Variants in FKBP5 observed in about 807,000 individuals in gnomAD.
The protein encoded by FKBP5 is peptidyl-prolyl cis-trans isomerase FKBP5.
A neutral mutation model predicts 50.5 loss-of-function variants in FKBP5; 23 were observed. That is an observed-to-expected ratio of 0.46 (90% CI 0.33 to 0.65). The LOEUF (loss-of-function observed/expected upper bound fraction) is 0.65. FKBP5 is among the 30% of genes least tolerant of loss of function. The pLI, the probability that FKBP5 is intolerant of heterozygous loss-of-function variation, is 0.02. For missense variants in FKBP5, 411 were observed against 553.1 expected (o/e 0.74, Z 2.58); for synonymous variants, 176 against 190.6 (o/e 0.92, Z 0.63).
At chr6:35,649,530 T>C (rs560655686) in intron 1 of FKBP5, among the ~76,000 whole-genome samples, 1 of 152,172 alleles carries the variant, frequency 6.6e-6, no homozygotes, top group South Asian at 2.1e-4. Flanking sequence ...CAGTGGGGAT[T>C]CTCTGAAGTT....
chr6:35,586,091 A>C, intron 8 of FKBP5: 8 of 985,174 alleles, frequency 8.1e-6, no homozygotes, highest in Non-Finnish European at 9.6e-6. Flanking sequence ...AGAAACCTTG[A>C]CAGAACTCCC....
At chr6:35,685,876 G>A (rs1765809462) in intron 1 of FKBP5, among the ~76,000 whole-genome samples, 1 of 151,784 alleles carries the variant, frequency 6.6e-6, no homozygotes, top group Non-Finnish European at 1.5e-5. Flanking sequence ...CAGCTACTCA[G>A]GAGGCTGAGG....
At chr6:35,636,425 T>C (rs1391735063) in intron 3 of FKBP5, among the ~76,000 whole-genome samples, 2 of 152,186 alleles carry the variant, frequency 1.3e-5, no homozygotes, top group African/African-American at 2.4e-5. Context: ...AAAAATGGTA[T>C]CTCATGAAAT....
At chr6:35,652,773 C>A (rs6931118) in intron 1 of FKBP5, among the ~76,000 whole-genome samples, 1 of 151,934 alleles carries the variant, frequency 6.6e-6, no homozygotes, top group Admixed American at 6.6e-5. Flanking sequence ...AAGTACTTGA[C>A]GTCTGTCACC....
intron 3 of FKBP5, among the ~76,000 whole-genome samples, chr6:35,626,764 C>T (rs947023133): frequency 3.3e-5 from 5 of 152,172 alleles, no homozygotes; most frequent in Non-Finnish European, 7.3e-5. Context: ...GATTACTTCA[C>T]TTAGTATAAT....
intron 3 of FKBP5, among the ~76,000 whole-genome samples, chr6:35,629,564 C>G (rs1764093543): frequency 6.6e-6 from 1 of 152,164 alleles, no homozygotes; most frequent in Admixed American, 6.5e-5. Context: ...CATTATCTGT[C>G]CTGGGACAGC....
chr6:35,669,516 T>C (rs185536471), intron 1 of FKBP5, among the ~76,000 whole-genome samples: 218 of 152,260 alleles, frequency 1.4e-3, no homozygotes, highest in African/African-American at 4.8e-3. Context: ...TTTTCCACAG[T>C]CTAAATACAA....
chr6:35,632,045 G>T (rs1347536586), intron 3 of FKBP5, among the ~76,000 whole-genome samples: 1 of 151,926 alleles, frequency 6.6e-6, no homozygotes, highest in Non-Finnish European at 1.5e-5. Flanking sequence ...ATATTTGCTG[G>T]GGGGAGTAGG....
intron 8 of FKBP5, chr6:35,584,634 C>A (rs1245648191): frequency 2.0e-6 from 2 of 985,300 alleles, no homozygotes; most frequent in African/African-American, 3.5e-5. Context: ...CTGCTGGGAT[C>A]TTTTACCTAT....
intron 2 of FKBP5, among the ~76,000 whole-genome samples, chr6:35,697,963 G>A (rs887512661): frequency 1.3e-5 from 2 of 152,154 alleles, no homozygotes; most frequent in Admixed American, 6.5e-5. Context: ...CTTACTCCTG[G>A]CTTTAAGCAA....
chr6:35,630,142 G>A (rs1764109282), intron 3 of FKBP5, among the ~76,000 whole-genome samples: 1 of 151,708 alleles, frequency 6.6e-6, no homozygotes, highest in Non-Finnish European at 1.5e-5. Flanking sequence ...GAGAGAAAGA[G>A]AGAGAGAAAG....
At chr6:35,701,400 C>T (rs1232855996) in intron 2 of FKBP5, among the ~76,000 whole-genome samples, 1 of 151,436 alleles carries the variant, frequency 6.6e-6, no homozygotes, top group East Asian at 1.9e-4. Flanking sequence ...CCCGCCACTA[C>T]ACCCGGCTAA....
At chr6:35,691,079 A>G (rs1166806915), upstream of FKBP5, among the ~76,000 whole-genome samples, 1 of 152,176 alleles carries the variant, frequency 6.6e-6, no homozygotes, top group Admixed American at 6.5e-5. Context: ...CTATGCTATC[A>G]GGGTATATAT....
At chr6:35,575,985 A>C (rs753742216) in intron 10 of FKBP5, 43 bp from the exon 11 acceptor site, 1 of 1,377,144 alleles carries the variant, frequency 7.3e-7, no homozygotes, top group South Asian at 1.2e-5. Flanking sequence ...AGAATAAAGA[A>C]GTGAAATAAT....
chr6:35,715,512 G>C (rs1766495834), intron 2 of FKBP5, among the ~76,000 whole-genome samples: 1 of 152,146 alleles, frequency 6.6e-6, no homozygotes, highest in Non-Finnish European at 1.5e-5. Flanking sequence ...GAGACAAAGA[G>C]GGCCCCCCTC....
chr6:35,584,245 T>C, intron 8 of FKBP5: 1 of 985,438 alleles, frequency 1.0e-6, no homozygotes, highest in African/African-American at 1.7e-5. Flanking sequence ...TTTTCTTCTC[T>C]TTAGTATTCA....
intron 1 of FKBP5, among the ~76,000 whole-genome samples, chr6:35,673,117 T>C (rs967845700): frequency 5.3e-5 from 8 of 152,310 alleles, no homozygotes; most frequent in South Asian, 4.1e-4. Flanking sequence ...AGAATATTTA[T>C]TGAGCAACTG....
chr6:35,610,607 T>C (rs970376721), intron 5 of FKBP5, among the ~76,000 whole-genome samples: 2 of 148,472 alleles, frequency 1.3e-5, no homozygotes, highest in African/African-American at 4.9e-5. Flanking sequence ...AAAAAATACA[T>C]TCATTTTCCC....
chr6:35,610,084 G>A (rs1467552301), intron 5 of FKBP5, among the ~76,000 whole-genome samples: 1 of 152,116 alleles, frequency 6.6e-6, no homozygotes, highest in African/African-American at 2.4e-5. Flanking sequence ...TTCCATGGCA[G>A]GCCTTTCTGC....
Sources: allele counts gnomAD v4.1 joint callset (sites outside exome capture counted in the v4.1 genomes callset), GRCh38; gene constraint gnomAD v4.1.1; transcripts MANE v1.5; gene names NCBI Gene and HGNC (gene_info 2026-07-23, HGNC 2026-07-21).